Variants in IQGAP2 observed in about 807,000 individuals in gnomAD.
IQGAP2 encodes the protein IQ motif containing GTPase activating protein 2.
IQGAP2 carries 173 observed loss-of-function variants against 201.3 expected under a neutral mutation model. That is an observed-to-expected ratio of 0.86 (90% CI 0.76 to 0.98). The LOEUF is 0.98. Ranked by LOEUF, IQGAP2 falls within the 50% of genes least tolerant of loss-of-function variation. IQGAP2 has a pLI of 0.00. For synonymous variants in IQGAP2, 675 were observed against 673.9 expected, an observed-to-expected ratio of 1.00 and a Z score of -0.03; for missense variants, 1,687 against 1,864.8, an observed-to-expected ratio of 0.90 and a Z score of 1.76.
At chr5:76,519,295 A>G (rs1001135680) in intron 2 of IQGAP2, among the ~76,000 whole-genome samples, 9 of 152,212 alleles carry the variant, frequency 5.9e-5, no homozygotes, top group African/African-American at 2.2e-4. Context: ...ATATCACATG[A>G]ATGGATTCAT....
At chr5:76,622,141 A>G (rs1749751987) in intron 13 of IQGAP2, among the ~76,000 whole-genome samples, 1 of 152,108 alleles carries the variant, frequency 6.6e-6, no homozygotes, top group African/African-American at 2.4e-5. Flanking sequence ...AAGAAAGCAA[A>G]TTCACTGCCT....
At chr5:76,632,176 T>C in intron 15 of IQGAP2, 150 bp downstream of exon 15, 1 of 656,558 alleles carries the variant, frequency 1.5e-6, no homozygotes, top group Middle Eastern at 3.9e-4. Context: ...TAGGAAAAGT[T>C]TTAGATGTTT....
chr5:76,424,726 C>T (rs1039590633), intron 1 of IQGAP2, among the ~76,000 whole-genome samples: 6 of 152,192 alleles, frequency 3.9e-5, no homozygotes, highest in South Asian at 2.1e-4. Flanking sequence ...TTCTGGGAGG[C>T]GACATGGCCC....
At chr5:76,654,358 T>A in intron 19 of IQGAP2, 87 bp downstream of exon 19, 1 of 847,072 alleles carries the variant, frequency 1.2e-6, no homozygotes, top group South Asian at 1.5e-5. Context: ...ATGATTTTTA[T>A]TGAATGGTGA....
chr5:76,668,677 C>T lies in IQGAP2; in HGVS notation c.2680-4C>T, dbSNP rs1483488745. The T allele has an allele frequency of 1.2e-6, 2 of 1,601,686 alleles. No individual in the cohort carries two copies. Among genetic ancestry groups the T allele is most frequent in the Admixed American group, 1.7e-5 (1 of 57,514 alleles). On this transcript the variant is annotated splice_region_variant and splice_polypyrimidine_tract_variant and intron_variant, in intron 22 of 35. Coordinates refer to ENST00000274364, the MANE Select transcript of IQGAP2 (RefSeq NM_006633.5). ...TTGTTTTCTTTTTCCTTCTTTCCTT[C>T]TAGACCAACCCTTTATACTTGGCTA...
chr5:76,429,006 G>T (rs1455474715), intron 1 of IQGAP2, among the ~76,000 whole-genome samples: 4 of 151,066 alleles, frequency 2.6e-5, no homozygotes, highest in Non-Finnish European at 4.4e-5. Flanking sequence ...TTGAACCTGG[G>T]AGACAGAGGT....
intron 2 of IQGAP2, among the ~76,000 whole-genome samples, chr5:76,481,655 A>G (rs149345044): frequency 1.4e-3 from 207 of 152,322 alleles, no homozygotes; most frequent in African/African-American, 4.7e-3. Context: ...AAGTGCAGGG[A>G]TTACAGGCAT....
intron 1 of IQGAP2, among the ~76,000 whole-genome samples, chr5:76,443,263 T>C (rs1261524025): frequency 6.6e-6 from 1 of 152,174 alleles, no homozygotes; most frequent in Admixed American, 6.5e-5. Context: ...ATAACAGTTC[T>C]CTGGTGTATG....
At chr5:76,518,222 A>G (rs1318198356) in intron 2 of IQGAP2, among the ~76,000 whole-genome samples, 1 of 152,160 alleles carries the variant, frequency 6.6e-6, no homozygotes, top group Non-Finnish European at 1.5e-5. Flanking sequence ...TCGGCCTCCC[A>G]AAGTGCTGGA....
intron 2 of IQGAP2, among the ~76,000 whole-genome samples, chr5:76,532,872 A>T (rs890751388): frequency 6.6e-6 from 1 of 152,234 alleles, no homozygotes; most frequent in Admixed American, 6.5e-5. Context: ...CAGGGCAGCT[A>T]GCCACACTGC....
At chr5:76,466,348 A>G (rs138630340) in intron 2 of IQGAP2, among the ~76,000 whole-genome samples, 1 of 152,294 alleles carries the variant, frequency 6.6e-6, no homozygotes, top group East Asian at 1.9e-4. Flanking sequence ...AACAAGAACA[A>G]AAATAAAGTT....
At position 76,674,694 on chromosome 5, in the gene IQGAP2, C is replaced by T. The variant is rs530356624; in HGVS notation, c.3512C>T (p.Thr1171Met). The change falls in exon 27 of 36, where the codon ACG becomes ATG. Residue 1171 changes from threonine (T) to methionine (M), a missense_variant. Physicochemically the swap from Thr to Met is moderately conservative, Grantham distance 81 (BLOSUM62 -1). Transcript: ENST00000274364. ...LSSMNNYLSE[T>M]YQEFRKYFKE... The stretch of plus-strand genomic sequence containing the variant: ...TCTATGAACAATTATTTATCAGAGA[C>T]GTATCAGGAATTCAGGTGAGAGGGG... 15 of 1,612,218 alleles carry T rather than the reference C, an allele frequency of 9.3e-6. No individual in the cohort carries two copies. The highest frequency in any genetic ancestry group is 8.3e-5 in the Admixed American group (5 of 60,008).
At chr5:76,615,266 C>T (rs1485299061) in intron 13 of IQGAP2, among the ~76,000 whole-genome samples, 1 of 152,106 alleles carries the variant, frequency 6.6e-6, no homozygotes, top group East Asian at 1.9e-4. Context: ...TTAGGTAAAA[C>T]TGTGTTGTAA....
intron 1 of IQGAP2, among the ~76,000 whole-genome samples, chr5:76,447,330 T>C (rs1301474717): frequency 1.3e-5 from 2 of 152,024 alleles, no homozygotes; most frequent in African/African-American, 2.4e-5. Flanking sequence ...GGTAAAGAAA[T>C]AGCCAATCAT....
chr5:76,529,629 GAATAAT>G (rs57526049), intron 2 of IQGAP2, among the ~76,000 whole-genome samples: 5,707 of 138,990 alleles, frequency 0.041, 146 homozygotes, highest in African/African-American at 0.051. Context: ...CTCCCTCTCG[GAATAAT>G]AATAATAATA....
chr5:76,496,761 C>T (rs985128445), intron 2 of IQGAP2, among the ~76,000 whole-genome samples: 1 of 89,046 alleles, frequency 1.1e-5, no homozygotes. Flanking sequence ...TTCTTTCTTT[C>T]TTTCTTTCTT....
intron 15 of IQGAP2, among the ~76,000 whole-genome samples, chr5:76,635,140 A>C (rs752430694): frequency 2.6e-5 from 4 of 152,250 alleles, no homozygotes; most frequent in African/African-American, 4.8e-5. Context: ...AAAGAATTAC[A>C]TAATTGTATT....
At chr5:76,504,091 C>T (rs187669222) in intron 2 of IQGAP2, among the ~76,000 whole-genome samples, 2 of 152,278 alleles carry the variant, frequency 1.3e-5, no homozygotes, top group East Asian at 3.9e-4. Context: ...ACTTTGGCAG[C>T]GGCCTTGACT....
chr5:76,599,234 A>T (rs1272435755), intron 10 of IQGAP2, among the ~76,000 whole-genome samples: 2 of 152,162 alleles, frequency 1.3e-5, no homozygotes, highest in African/African-American at 4.8e-5. Flanking sequence ...AATAATAATT[A>T]AAAAGACTCC....
Sources: allele counts gnomAD v4.1 joint callset (sites outside exome capture counted in the v4.1 genomes callset), GRCh38; gene constraint gnomAD v4.1.1; transcripts MANE v1.5; gene names NCBI Gene and HGNC (gene_info 2026-07-23, HGNC 2026-07-21).